Variants in PIK3CG observed in about 807,000 individuals in gnomAD.
PIK3CG encodes the protein phosphatidylinositol 4,5-bisphosphate 3-kinase catalytic subunit gamma isoform.
A neutral mutation model predicts 102.3 loss-of-function variants in PIK3CG; 55 were observed. That is an observed-to-expected ratio of 0.54 (90% CI 0.43 to 0.67). The LOEUF (loss-of-function observed/expected upper bound fraction) is 0.67. Among genes scored for constraint, PIK3CG ranks in the 30% least tolerant of loss-of-function variants. The probability of loss-of-function intolerance (pLI) is 0.00; values close to 1 mark genes in which losing one functional copy is unlikely to be tolerated. For synonymous variants in PIK3CG, 552 were observed against 540.0 expected, an observed-to-expected ratio of 1.02 and a Z score of -0.31; for missense variants, 1,258 against 1,391.8, an observed-to-expected ratio of 0.90 and a Z score of 1.53.
Position 106,874,652 on chromosome 7 carries a change from A to G in PIK3CG, c.2288-48A>G, listed in dbSNP as rs746246346. 7 of 1,136,594 alleles carry G rather than the reference A, an allele frequency of 6.2e-6. No homozygotes were observed. Among genetic ancestry groups the G allele is most frequent in the Middle Eastern group, 2.0e-4 (1 of 5,058 alleles). The allele number at this position is 1,136,594 out of a possible 1,614,324, so 70.4% of individuals were successfully genotyped here. A position where few individuals can be genotyped will look rare whatever the true frequency, so the allele number is the denominator to read the frequency against. On this transcript the variant is annotated intron_variant, in intron 4 of 10. Coordinates refer to ENST00000496166, the MANE Select transcript of PIK3CG (RefSeq NM_001282426.2). The surrounding 1 kb of genome is among the most constrained non-coding windows in gnomAD (Gnocchi z 4.3). ...TCAGGAAATGTAATAGATAATATTG[A>G]TGATTTCTGGAACTCACATAACTCT...
intron 10 of PIK3CG, among the ~76,000 whole-genome samples, chr7:106,904,373 T>A (rs960005951): frequency 4.6e-5 from 7 of 152,178 alleles, no homozygotes; most frequent in Non-Finnish European, 1.5e-5. Flanking sequence ...GGTATTAAGG[T>A]TGGATTATTC....
Position 106,884,107 on chromosome 7 carries a change from G to A in PIK3CG, c.2761-48G>A, listed in dbSNP as rs2116550466. The A allele has an allele frequency of 7.5e-7, 1 of 1,335,742 alleles. No homozygotes were observed. 82.7% of individuals were successfully genotyped at this position (1,335,742 alleles called of 1,614,324 possible). A position where few individuals can be genotyped will look rare whatever the true frequency, so the allele number is the denominator to read the frequency against. On this transcript the variant is annotated intron_variant, in intron 8 of 10. Coordinates refer to ENST00000496166, the MANE Select transcript of PIK3CG (RefSeq NM_001282426.2). This position sits in a 1 kb window ranked among gnomAD's most constrained non-coding sequence, Gnocchi z 4.2. ...TAGAAGTCATTTGTAGATTCATGAT[G>A]CTTTTTGTAGTTAGAAGACAACTAA...
chr7:106,868,907 C>T lies in PIK3CG; in HGVS notation c.1346C>T (p.Ser449Phe), dbSNP rs376675940. The part of the protein sequence containing the change: ...PALSSKASAE[S>F]PSSESKGKVQ... ...CTGTCCAGCAAGGCCTCTGCAGAGT[C>T]CCCCAGTTCTGAGTCCAAGGGCAAA... Residue 449 changes from serine (S) to phenylalanine (F), a missense_variant, in exon 2 of 11, where the codon TCC (serine) becomes TTC (phenylalanine). Coordinates refer to ENST00000496166, the MANE Select transcript of PIK3CG (RefSeq NM_001282426.2). The surrounding 1 kb of genome is among the most constrained non-coding windows in gnomAD (Gnocchi z 6.2). 1 of 1,614,062 alleles carries T rather than the reference C, an allele frequency of 6.2e-7. No individual in the cohort carries two copies. The highest frequency in any genetic ancestry group is 1.1e-5 in the South Asian group (1 of 91,086).
rs760275722 is a variant in PIK3CG at position 106,867,795 on chromosome 7, G to A, written c.234G>A (p.Ala78=). ...EQMKAQVWLR[A]LETSVAADFY... ...TGAAGGCCCAGGTGTGGCTGCGAGC[G>A]CTGGAGACCAGCGTGGCGGCGGACT... Residue 78 remains alanine, a synonymous_variant, in exon 2 of 11, where the codon GCG becomes GCA. Transcript: ENST00000496166. This position sits in a 1 kb window ranked among gnomAD's most constrained non-coding sequence, Gnocchi z 5.1. The A allele has an allele frequency of 3.7e-6, 6 of 1,612,608 alleles. No individual in the cohort carries two copies. In the South Asian group the frequency reaches 5.5e-5, roughly 15 times the overall value.
intron 10 of PIK3CG, among the ~76,000 whole-genome samples, chr7:106,888,226 A>G (rs563554564): frequency 6.6e-6 from 1 of 151,922 alleles, no homozygotes; most frequent in Non-Finnish European, 1.5e-5. Context: ...GGCGTGAGCC[A>G]CTGTGCCCAG....
In PIK3CG at chr7:106,879,466, A is replaced by G. The variant is rs1383509736; in HGVS notation, c.2392-53A>G. 7.1e-6 allele frequency: 10 copies of G among 1,406,136 alleles called. No homozygotes were observed. The highest frequency in any genetic ancestry group is 1.4e-5 in the African/African-American group (1 of 70,934). 87.1% of individuals were successfully genotyped at this position (1,406,136 alleles called of 1,614,324 possible). A position where few individuals can be genotyped will look rare whatever the true frequency, so the allele number is the denominator to read the frequency against. On this transcript the variant is annotated intron_variant, in intron 5 of 10. Transcript: ENST00000496166. This position sits in a 1 kb window ranked among gnomAD's most constrained non-coding sequence, Gnocchi z 4.9. ...TTGCAAGAGAATTTGTGTCTCCACC[A>G]TGTATATTCGTTATTCATTGTGTGT...
Position 106,868,981 on chromosome 7 carries a change from C to G in PIK3CG, c.1420C>G (p.Leu474Val), listed in dbSNP as rs1274619913. The G allele has an allele frequency of 9.3e-6, 15 of 1,614,048 alleles. No individual in the cohort carries two copies. Among genetic ancestry groups the G allele is most frequent in the Middle Eastern group, 1.6e-4 (1 of 6,084 alleles). Residue 474 changes from leucine (L) to valine (V), a missense_variant, in exon 2 of 11, where the codon CTC becomes GTC. Physicochemically the swap from Leu to Val is conservative, Grantham distance 32. Around this residue, in one of 2 missense-constraint regions of PIK3CG, gnomAD observed 832 missense variants for 787.5 expected, o/e 1.06. Transcript: ENST00000496166. The surrounding 1 kb of genome is among the most constrained non-coding windows in gnomAD (Gnocchi z 6.2). ...CCTGCTGCTGATAGACCACCGTTTC[C>G]TCCTGCGCCGTGGAGAATACGTCCT... ...VNLLLIDHRFLLRRGEYVLHM... is the reference protein window; with the variant it reads ...VNLLLIDHRFVLRRGEYVLHM...
intron 7 of PIK3CG, chr7:106,882,821 GA>G: frequency 2.3e-6 from 1 of 442,368 alleles, no homozygotes; most frequent in South Asian, 4.8e-5. Flanking sequence ...CTGGGATATT[GA>G]AAACATATCC....
At chr7:106,870,695 C>T (rs1394374297) in intron 2 of PIK3CG, among the ~76,000 whole-genome samples, 1 of 152,206 alleles carries the variant, frequency 6.6e-6, no homozygotes, top group African/African-American at 2.4e-5. Flanking sequence ...AAATTTTACA[C>T]ACTAAACTAT....
rs1173427511 is a variant in PIK3CG at position 106,872,554 on chromosome 7, A to G, written c.2013A>G (p.Pro671=). The stretch of plus-strand genomic sequence containing the variant: ...TCCTTTAGGCTGTGAAATTTGAACC[A>G]TACCATGATAGCGCCCTTGCCAGAT... ...LQLVQAVKFE[P]YHDSALARFL... is the part of the protein sequence containing the mutation. The change falls in exon 3 of 11, where the codon CCA becomes CCG. Residue 671 remains proline, a synonymous_variant. Coordinates refer to ENST00000496166, the MANE Select transcript of PIK3CG (RefSeq NM_001282426.2). The surrounding 1 kb of genome is among the most constrained non-coding windows in gnomAD (Gnocchi z 5.3). 1 of 1,613,820 alleles carries G rather than the reference A, an allele frequency of 6.2e-7. No individual in the cohort carries two copies. Among genetic ancestry groups the G allele is most frequent in the East Asian group, 2.2e-5 (1 of 44,886 alleles).
In PIK3CG at chr7:106,891,179, A is replaced by G. The variant is rs948151342; in HGVS notation, c.3030+4887A>G. ...CTGAGTGGAGTAGTGGAGGGACAGC[A>G]CCTTGTAGGGGAGGAGCTGGATCAA... On this transcript the variant is annotated intron_variant, in intron 10 of 10. Transcript: ENST00000496166. The surrounding 1 kb of genome is among the most constrained non-coding windows in gnomAD (Gnocchi z 4.4). 6.6e-5 allele frequency among the ~76,000 whole-genome samples: 10 copies of G among 152,146 alleles called. No individual in the cohort carries two copies. The highest frequency in any genetic ancestry group is 2.4e-4 in the African/African-American group (10 of 41,430).
In PIK3CG at chr7:106,877,905, TAA is replaced by T. The variant is rs1405427680; in HGVS notation, c.2392-1613_2392-1612del. Among the ~76,000 whole-genome samples the T allele has an allele frequency of 6.6e-6, 1 of 152,230 alleles. No individual in the cohort carries two copies. Among genetic ancestry groups the T allele is most frequent in the African/African-American group, 2.4e-5 (1 of 41,458 alleles). On this transcript the variant is annotated intron_variant, in intron 5 of 10. Coordinates refer to ENST00000496166, the MANE Select transcript of PIK3CG (RefSeq NM_001282426.2). The surrounding 1 kb of genome is among the most constrained non-coding windows in gnomAD (Gnocchi z 4.5). ...TCTATATATGTTATAAATGGCACAATAAGTTACTATTTTTGCCCTAAACAGTT... is the reference window on the plus strand; with the variant it reads ...TCTATATATGTTATAAATGGCACAATGTTACTATTTTTGCCCTAAACAGTT...
chr7:106,874,173 C>T lies in PIK3CG; in HGVS notation c.2288-527C>T, dbSNP rs1441076881. On this transcript the variant is annotated intron_variant, in intron 4 of 10. Coordinates refer to ENST00000496166, the MANE Select transcript of PIK3CG (RefSeq NM_001282426.2). The surrounding 1 kb of genome is among the most constrained non-coding windows in gnomAD (Gnocchi z 4.3). The stretch of plus-strand genomic sequence containing the variant: ...ACTGACCCTCATTCTGTCAGTCATC[C>T]AGTAATTTTTAATTCACATATTTTG... Among the ~76,000 whole-genome samples the T allele has an allele frequency of 6.6e-6, 1 of 152,100 alleles. No homozygotes were observed. The highest frequency in any genetic ancestry group is 1.5e-5 in the Non-Finnish European group (1 of 68,012).
rs547555151 is a variant in PIK3CG at position 106,902,558 on chromosome 7, G to T, written c.3031-2551G>T. Among the ~76,000 whole-genome samples, 9 of 150,012 alleles carry T rather than the reference G, an allele frequency of 6.0e-5. No individual in the cohort carries two copies. Among genetic ancestry groups the T allele is most frequent in the African/African-American group, 2.0e-4 (8 of 40,796 alleles). On this transcript the variant is annotated intron_variant, in intron 10 of 10. Transcript: ENST00000496166. This position sits in a 1 kb window ranked among gnomAD's most constrained non-coding sequence, Gnocchi z 4.3. ...TCCTTAAAAGACTAAAAAAAAAAAA[G>T]TCCAGTTTTTAGGTAAATTTTCCAT...
At chr7:106,873,719 G>C (rs949097014) in intron 4 of PIK3CG, among the ~76,000 whole-genome samples, 1 of 149,220 alleles carries the variant, frequency 6.7e-6, no homozygotes, top group African/African-American at 2.4e-5. Context: ...CTCTGTATCT[G>C]TGTGTGTGTG....
At chr7:106,898,730 T>C (rs1488678485) in intron 10 of PIK3CG, among the ~76,000 whole-genome samples, 1 of 152,214 alleles carries the variant, frequency 6.6e-6, no homozygotes, top group Non-Finnish European at 1.5e-5. Context: ...TTTGCTCCTT[T>C]GGTCTCTGTG....
chr7:106,873,770 C>A (rs867027555), intron 4 of PIK3CG, among the ~76,000 whole-genome samples: 1 of 151,878 alleles, frequency 6.6e-6, no homozygotes, highest in Non-Finnish European at 1.5e-5. Context: ...ACACACACCA[C>A]CTTCTCTCTC....
Position 106,906,984 on chromosome 7 carries a change from A to G in PIK3CG, c.*1597A>G, listed in dbSNP as rs1791701177. The stretch of plus-strand genomic sequence containing the variant: ...CTTAAAAAAAAAATTAGCTGGGTAT[A>G]GTGGTATGTGCCTGTAGTCCCAGGT... On this transcript the variant is annotated 3_prime_UTR_variant, in exon 11 of 11. Coordinates refer to ENST00000496166, the MANE Select transcript of PIK3CG (RefSeq NM_001282426.2). 4.6e-6 allele frequency: 1 copy of G among 217,612 alleles called. No individual in the cohort carries two copies. Among genetic ancestry groups the G allele is most frequent in the Non-Finnish European group, 9.2e-6 (1 of 108,292 alleles). The allele number at this position is 217,612 out of a possible 1,614,324, so 13.5% of individuals were successfully genotyped here.
chr7:106,897,789 C>G lies in PIK3CG; in HGVS notation c.3031-7320C>G, dbSNP rs940757772. Among the ~76,000 whole-genome samples, 2 of 152,020 alleles carry G rather than the reference C, an allele frequency of 1.3e-5. No individual in the cohort carries two copies. The highest frequency in any genetic ancestry group is 4.8e-5 in the African/African-American group (2 of 41,366). On this transcript the variant is annotated intron_variant, in intron 10 of 10. Transcript: ENST00000496166. This position sits in a 1 kb window ranked among gnomAD's most constrained non-coding sequence, Gnocchi z 4.6. ...CTTTAATCAGCCTATCATTGATGGG[C>G]GTTTAGGTTGATTCTGTGTCTTTGC...
Sources: gnomAD v4.1 joint callset for allele counts (sites outside exome capture counted in the v4.1 genomes callset) on GRCh38, gnomAD v4.1.1 for gene constraint, gnomAD v4.1.1 regional missense constraint, Gnocchi (gnomAD v3.1) non-coding constraint, MANE v1.5 for transcripts, NCBI Gene and HGNC (gene_info 2026-07-23, HGNC 2026-07-21) for gene names.